Variants in RNF19A observed in about 807,000 individuals in gnomAD.
The protein encoded by RNF19A is ring finger protein 19A, RBR E3 ubiquitin protein ligase, also known as E3 ubiquitin-protein ligase RNF19A.
RNF19A carries 32 observed loss-of-function variants against 75.7 expected under a neutral mutation model. The ratio of observed to expected loss-of-function variants is 0.42; its 90% CI spans 0.32 to 0.57. The LOEUF is 0.57. Among genes scored for constraint, RNF19A ranks in the 20% least tolerant of loss-of-function variants. The probability of loss-of-function intolerance (pLI) is 0.10; values close to 1 mark genes in which losing one functional copy is unlikely to be tolerated. For synonymous variants in RNF19A, 335 were observed against 345.2 expected, an observed-to-expected ratio of 0.97 and a Z score of 0.33; for missense variants, 782 against 1,036.3, an observed-to-expected ratio of 0.75 and a Z score of 3.37.
intron 1 of RNF19A, among the ~76,000 whole-genome samples, chr8:100,291,111 T>C (rs1821273496): frequency 6.6e-6 from 1 of 152,192 alleles, no homozygotes; most frequent in Non-Finnish European, 1.5e-5. Flanking sequence ...AAGACCTGGC[T>C]CAGCTATTTT....
At position 100,274,999 on chromosome 8, in the gene RNF19A, A is replaced by G; in HGVS notation, c.837T>C (p.Thr279=). The change falls in exon 3 of 10, where the codon ACT becomes ACC. Residue 279 remains threonine (T), a synonymous_variant. Coordinates refer to ENST00000341084, the MANE Select transcript of RNF19A (RefSeq NM_183419.4). ...TATAACTAATGGATGAAGAACGTAT[A>G]GTTCTCAAACGTAAGCTCTGGGCTC... ...QERAQSLRLR[T]IRSSSISYSQ... is the part of the protein sequence containing the mutation. 6.2e-7 allele frequency: 1 copy of G among 1,614,202 alleles called. No individual in the cohort carries two copies. Among genetic ancestry groups the G allele is most frequent in the Non-Finnish European group, 8.5e-7 (1 of 1,180,012 alleles).
chr8:100,272,145 T>C (rs1483128065), intron 3 of RNF19A, among the ~76,000 whole-genome samples: 1 of 152,128 alleles, frequency 6.6e-6, no homozygotes, highest in Non-Finnish European at 1.5e-5. Flanking sequence ...TTGCATAAAA[T>C]GGGAAAACTA....
chr8:100,314,889 G>A (rs1024531681), upstream of RNF19A, among the ~76,000 whole-genome samples: 2 of 152,166 alleles, frequency 1.3e-5, no homozygotes, highest in African/African-American at 4.8e-5. This position sits in a 1 kb window ranked among gnomAD's most constrained non-coding sequence, Gnocchi z 4.1. Flanking sequence ...AGAGAAAGAG[G>A]AAGCAGGCAC....
rs774535616 is a variant in RNF19A, at chr8:100,259,853, C to T, written c.1826+1G>A. 1.2e-6 allele frequency: 2 copies of T among 1,605,418 alleles called. No homozygotes were observed. Among genetic ancestry groups the T allele is most frequent in the South Asian group, 2.2e-5 (2 of 89,316 alleles). On this transcript the variant is annotated splice_donor_variant, in intron 9 of 9. Coordinates refer to ENST00000341084, the MANE Select transcript of RNF19A (RefSeq NM_183419.4). LOFTEE classifies it high-confidence loss of function. This position sits in a 1 kb window ranked among gnomAD's most constrained non-coding sequence, Gnocchi z 4.5. ...CAATTTTTTAACAGTTTTTTCCTTACTTGTCCAATGGGATGTAGGAATTCA... is the reference window on the plus strand; with the variant it reads ...CAATTTTTTAACAGTTTTTTCCTTATTTGTCCAATGGGATGTAGGAATTCA...
intron 2 of RNF19A, among the ~76,000 whole-genome samples, chr8:100,283,427 A>C (rs1256106731): frequency 6.6e-6 from 1 of 152,138 alleles, no homozygotes; most frequent in Non-Finnish European, 1.5e-5. Context: ...ACCTGTGAGG[A>C]CTGGCATGTT....
intron 1 of RNF19A, among the ~76,000 whole-genome samples, chr8:100,294,423 T>C (rs1195883219): frequency 1.3e-5 from 2 of 152,322 alleles, no homozygotes; most frequent in African/African-American, 4.8e-5. Context: ...TTTTTCTGCC[T>C]GCCAGCTGTT....
chr8:100,277,532 T>C (rs997638010), intron 2 of RNF19A, among the ~76,000 whole-genome samples: 3 of 152,170 alleles, frequency 2.0e-5, no homozygotes, highest in Non-Finnish European at 4.4e-5. Context: ...CAGGATGGTC[T>C]TGATTTCCTG....
chr8:100,268,104 C>T (rs1191071130), intron 5 of RNF19A, among the ~76,000 whole-genome samples: 1 of 148,112 alleles, frequency 6.8e-6, no homozygotes, highest in East Asian at 2.0e-4. Flanking sequence ...AAGAAAATTT[C>T]TTTTTTTTTT....
intron 1 of RNF19A, 30 bp downstream of exon 1, chr8:100,309,837 G>A (rs1372671712): frequency 7.1e-6 from 7 of 985,526 alleles, no homozygotes; most frequent in Non-Finnish European, 7.2e-6. Context: ...CCGCTCCGGG[G>A]CGCAAGCTCC....
upstream of RNF19A, chr8:100,313,438 G>T: frequency 3.2e-6 from 1 of 315,560 alleles, no homozygotes; most frequent in Non-Finnish European, 4.5e-6. Context: ...CAGACGCAAA[G>T]GTCTTAGCCA....
intron 1 of RNF19A, among the ~76,000 whole-genome samples, chr8:100,327,245 C>A (rs368857214): frequency 1.3e-5 from 1 of 75,864 alleles, no homozygotes; most frequent in Non-Finnish European, 2.3e-5. Context: ...GCAATTACTT[C>A]TTTTTTTTTT....
In RNF19A at chr8:100,284,443, C is replaced by G. The variant is rs2129880740; in HGVS notation, c.674+3058G>C. Among the ~76,000 whole-genome samples the G allele has an allele frequency of 6.6e-6, 1 of 152,210 alleles. No individual in the cohort carries two copies. The highest frequency in any genetic ancestry group is 1.5e-5 in the Non-Finnish European group (1 of 67,958). On this transcript the variant is annotated intron_variant, in intron 2 of 9. Coordinates refer to ENST00000341084, the MANE Select transcript of RNF19A (RefSeq NM_183419.4). This position sits in a 1 kb window ranked among gnomAD's most constrained non-coding sequence, Gnocchi z 4.3. ...ATAAAATAAAATACACAAAAGTAATCTCTGTGACTTTTTTTCCTCTGTCCT... is the reference window on the plus strand; with the variant it reads ...ATAAAATAAAATACACAAAAGTAATGTCTGTGACTTTTTTTCCTCTGTCCT...
At chr8:100,321,622 T>TC (rs2130355290) in intron 1 of RNF19A, among the ~76,000 whole-genome samples, 1 of 152,356 alleles carries the variant, frequency 6.6e-6, no homozygotes, top group Non-Finnish European at 1.5e-5. Flanking sequence ...GGTGCATTTT[T>TC]ACAGAAAGTT....
chr8:100,328,489 T>G (rs1822568738), intron 1 of RNF19A, among the ~76,000 whole-genome samples: 1 of 151,956 alleles, frequency 6.6e-6, no homozygotes, highest in Non-Finnish European at 1.5e-5. Context: ...TTTTTTTTTT[T>G]GAGACAGAGT....
At position 100,263,907 on chromosome 8, in the gene RNF19A, C is replaced by T. The variant is rs867629531; in HGVS notation, c.1468+127G>A. The stretch of plus-strand genomic sequence containing the variant: ...TGGCAGTTTATTCACTTATGTACTT[C>T]TGAATGAATACTATTAGGCCTAGTA... On this transcript the variant is annotated intron_variant, in intron 7 of 9. Transcript: ENST00000341084. The T allele has an allele frequency of 8.7e-5, 62 of 711,140 alleles. No homozygotes were observed. The Middle Eastern group carries it at 3.8e-3, about 44-fold the overall frequency. 44.1% of individuals were successfully genotyped at this position (711,140 alleles called of 1,614,324 possible).
chr8:100,308,836 C>T (rs1160190861), intron 1 of RNF19A, among the ~76,000 whole-genome samples: 2 of 152,188 alleles, frequency 1.3e-5, no homozygotes, highest in Non-Finnish European at 2.9e-5. Flanking sequence ...GGCACTTAAA[C>T]GCCGTCTTTT....
At position 100,287,378 on chromosome 8, in the gene RNF19A, C is replaced by T. The variant is rs1821074475; in HGVS notation, c.674+123G>A. On this transcript the variant is annotated intron_variant, in intron 2 of 9. Transcript: ENST00000341084. This position sits in a 1 kb window ranked among gnomAD's most constrained non-coding sequence, Gnocchi z 4.1. ...AGCATAGTGCCTGACATATGGTGTG[C>T]ACTCAACATGTCTGTTGAATGAATT... is the stretch of plus-strand genomic sequence containing the variant. The T allele has an allele frequency of 5.1e-6, 4 of 779,770 alleles. No homozygotes were observed. Among genetic ancestry groups the T allele is most frequent in the East Asian group, 5.3e-5 (2 of 37,958 alleles). The allele number at this position is 779,770 out of a possible 1,614,324, so 48.3% of individuals were successfully genotyped here. A position where few individuals can be genotyped will look rare whatever the true frequency, so the allele number is the denominator to read the frequency against.
chr8:100,311,705 G>A (rs1388700454), upstream of RNF19A, among the ~76,000 whole-genome samples: 27 of 130,748 alleles, frequency 2.1e-4, no homozygotes, highest in Non-Finnish European at 2.9e-4. Flanking sequence ...GCGACAGAGC[G>A]AGACTCCGTC....
chr8:100,300,354 A>G (rs770237677), intron 1 of RNF19A, among the ~76,000 whole-genome samples: 3 of 152,220 alleles, frequency 2.0e-5, no homozygotes, highest in Non-Finnish European at 2.9e-5. Context: ...GAGAATTCAA[A>G]AGCAACAAAA....
Sources: allele counts gnomAD v4.1 joint callset (sites outside exome capture counted in the v4.1 genomes callset), GRCh38; gene constraint gnomAD v4.1.1; non-coding constraint Gnocchi (gnomAD v3.1); transcripts MANE v1.5; gene names NCBI Gene and HGNC (gene_info 2026-07-23, HGNC 2026-07-21).